The following ZNF804A variants were observed in gnomAD, a reference collection of about 807,000 sequenced individuals.
ZNF804A encodes zinc finger protein 804A.
A neutral mutation model predicts 16.5 loss-of-function variants in ZNF804A; 2 were observed. The ratio of observed to expected loss-of-function variants is 0.12; its 90% CI spans 0.05 to 0.38. ZNF804A has a LOEUF of 0.38. ZNF804A is among the 10% of genes least tolerant of loss of function. The probability of loss-of-function intolerance (pLI) is 0.99; values close to 1 mark genes in which losing one functional copy is unlikely to be tolerated. For synonymous variants in ZNF804A, 534 were observed against 489.6 expected (o/e 1.09, Z -1.20); for missense variants, 1,473 against 1,390.7 (o/e 1.06, Z -0.94).
intron 1 of ZNF804A, among the ~76,000 whole-genome samples, chr2:184,619,593 T>TA (rs1244556906): frequency 1.3e-5 from 2 of 152,046 alleles, no homozygotes; most frequent in Non-Finnish European, 2.9e-5. Flanking sequence ...TTAGTATTTT[T>TA]ATGTAAATAT....
chr2:184,855,193 G>T (rs982529634), intron 1 of ZNF804A, among the ~76,000 whole-genome samples: 3 of 151,972 alleles, frequency 2.0e-5, no homozygotes, highest in African/African-American at 7.2e-5. Context: ...GACTGTGCTG[G>T]GATATGCTAA....
chr2:184,864,181 C>A (rs1054498559), intron 1 of ZNF804A, among the ~76,000 whole-genome samples: 1 of 152,108 alleles, frequency 6.6e-6, no homozygotes, highest in Non-Finnish European at 1.5e-5. Flanking sequence ...CCTCAGGCTG[C>A]TTCCACTCAT....
chr2:184,758,624 A>G (rs970001444), intron 1 of ZNF804A, among the ~76,000 whole-genome samples: 5 of 151,982 alleles, frequency 3.3e-5, no homozygotes, highest in Non-Finnish European at 7.4e-5. Context: ...TGTAGAAGAC[A>G]TCATCAAATT....
intron 2 of ZNF804A, among the ~76,000 whole-genome samples, chr2:184,872,668 G>C (rs1169758848): frequency 6.6e-6 from 1 of 152,082 alleles, no homozygotes; most frequent in East Asian, 1.9e-4. Flanking sequence ...CATAATCATA[G>C]AGACACCAAT....
At chr2:184,717,326 C>A (rs1210232450) in intron 1 of ZNF804A, among the ~76,000 whole-genome samples, 1 of 152,072 alleles carries the variant, frequency 6.6e-6, no homozygotes, top group African/African-American at 2.4e-5. Context: ...TACCTTTCTC[C>A]AGATTCTTTT....
intron 2 of ZNF804A, among the ~76,000 whole-genome samples, chr2:184,870,035 G>T (rs1439483225): frequency 6.6e-6 from 1 of 151,928 alleles, no homozygotes; most frequent in Non-Finnish European, 1.5e-5. Flanking sequence ...CTCAAAAGAT[G>T]TTCGATTGTA....
At chr2:184,734,707 T>G (rs1693581133) in intron 1 of ZNF804A, among the ~76,000 whole-genome samples, 1 of 152,218 alleles carries the variant, frequency 6.6e-6, no homozygotes, top group Non-Finnish European at 1.5e-5. Context: ...ATTTTTGAGT[T>G]CAGCAGTGCC....
intron 1 of ZNF804A, among the ~76,000 whole-genome samples, chr2:184,754,674 C>T (rs1034446147): frequency 4.6e-5 from 7 of 151,572 alleles, no homozygotes; most frequent in African/African-American, 1.5e-4. Flanking sequence ...TTTATCATTG[C>T]AGTATTTGGT....
At chr2:184,755,733 A>G (rs973290647) in intron 1 of ZNF804A, among the ~76,000 whole-genome samples, 3 of 151,950 alleles carry the variant, frequency 2.0e-5, no homozygotes, top group Non-Finnish European at 2.9e-5. Flanking sequence ...AAACTAGTCA[A>G]TTCTTGATAC....
intron 1 of ZNF804A, among the ~76,000 whole-genome samples, chr2:184,626,757 G>C (rs1377733129): frequency 2.0e-5 from 3 of 152,118 alleles, no homozygotes; most frequent in Non-Finnish European, 4.4e-5. Flanking sequence ...AGTGTACCTT[G>C]AAATATTTTG....
At chr2:184,720,361 A>G (rs571709027) in intron 1 of ZNF804A, among the ~76,000 whole-genome samples, 2 of 152,294 alleles carry the variant, frequency 1.3e-5, no homozygotes, top group African/African-American at 2.4e-5. Flanking sequence ...AGAAATACCT[A>G]AAGACTTCAT....
chr2:184,818,550 C>T (rs1231692191), intron 1 of ZNF804A, among the ~76,000 whole-genome samples: 1 of 152,018 alleles, frequency 6.6e-6, no homozygotes, highest in Non-Finnish European at 1.5e-5. Context: ...CAAATTCACA[C>T]ATAAAAATAT....
At chr2:184,919,495 A>T (rs543952702) in intron 2 of ZNF804A, among the ~76,000 whole-genome samples, 1 of 152,308 alleles carries the variant, frequency 6.6e-6, no homozygotes, top group Non-Finnish European at 1.5e-5. Context: ...CCGGGGAAAG[A>T]GGCTATCTAC....
intron 1 of ZNF804A, among the ~76,000 whole-genome samples, chr2:184,650,020 G>A (rs1691952969): frequency 6.6e-6 from 1 of 151,850 alleles, no homozygotes; most frequent in Non-Finnish European, 1.5e-5. Context: ...AAAGAAAACT[G>A]TAGGCCATTA....
intron 1 of ZNF804A, among the ~76,000 whole-genome samples, chr2:184,619,059 G>C (rs1691376757): frequency 6.6e-6 from 1 of 152,012 alleles, no homozygotes; most frequent in Non-Finnish European, 1.5e-5. Context: ...GGGAATGGGA[G>C]GGAGCAGGGA....
At chr2:184,833,366 C>T (rs1695295668) in intron 1 of ZNF804A, among the ~76,000 whole-genome samples, 1 of 151,960 alleles carries the variant, frequency 6.6e-6, no homozygotes, top group South Asian at 2.1e-4. Flanking sequence ...TCAGTTCTGT[C>T]CAACAGAAAT....
intron 1 of ZNF804A, among the ~76,000 whole-genome samples, chr2:184,842,985 G>C (rs1471649572): frequency 6.6e-6 from 1 of 152,120 alleles, no homozygotes; most frequent in Non-Finnish European, 1.5e-5. Flanking sequence ...ATTCTGGTGA[G>C]CTCATGTCTT....
chr2:184,809,391 T>C (rs58614035), intron 1 of ZNF804A, among the ~76,000 whole-genome samples: 4,564 of 151,888 alleles, frequency 0.03, 231 homozygotes, highest in African/African-American at 0.1. Flanking sequence ...TAAGCCAATA[T>C]TAAGTAATAC....
At chr2:184,642,222 A>G (rs35230759) in intron 1 of ZNF804A, among the ~76,000 whole-genome samples, 17,473 of 152,186 alleles carry the variant, frequency 0.11, 1,433 homozygotes, top group East Asian at 0.3. Context: ...TCAAGGTATT[A>G]AATTGTTTAA....
Sources: gnomAD v4.1 joint callset for allele counts (sites outside exome capture counted in the v4.1 genomes callset) on GRCh38, gnomAD v4.1.1 for gene constraint, MANE v1.5 for transcripts, NCBI Gene and HGNC (gene_info 2026-07-23, HGNC 2026-07-21) for gene names.